The following PARP4 variants were observed in gnomAD, a reference collection of about 807,000 sequenced individuals.
PARP4 encodes the protein protein mono-ADP-ribosyltransferase PARP4.
In PARP4, 120 loss-of-function variants were observed where a neutral mutation model predicts 187.7. The observed-to-expected ratio is 0.64, with a 90% CI of 0.55 to 0.74. The LOEUF (loss-of-function observed/expected upper bound fraction) is 0.74, where lower values mean the gene tolerates loss of function less well. PARP4 is among the 30% of genes least tolerant of loss of function. The probability of loss-of-function intolerance (pLI) is 0.00; values close to 1 mark genes in which losing one functional copy is unlikely to be tolerated. For synonymous variants in PARP4, 654 were observed against 740.9 expected, an observed-to-expected ratio of 0.88 and a Z score of 1.90; for missense variants, 1,836 against 2,070.5, an observed-to-expected ratio of 0.89 and a Z score of 2.20.
intron 10 of PARP4, among the ~76,000 whole-genome samples, chr13:24,489,221 C>G (rs534671122): frequency 6.6e-6 from 1 of 152,280 alleles, no homozygotes; most frequent in East Asian, 1.9e-4. Context: ...GAGGAATCAT[C>G]TAACGCAGGC....
At chr13:24,469,185 T>C (rs1417352385) in intron 16 of PARP4, 75 bp from the exon 17 acceptor site, 1 of 1,039,640 alleles carries the variant, frequency 9.6e-7, no homozygotes. Context: ...ACAACATCAA[T>C]GTTTACTAAA....
chr13:24,467,369 G>A (rs546609223), intron 17 of PARP4, among the ~76,000 whole-genome samples: 59 of 152,280 alleles, frequency 3.9e-4, no homozygotes, highest in Admixed American at 6.5e-4. Context: ...GTTGCCATGG[G>A]AAAATGAAGC....
intron 33 of PARP4, among the ~76,000 whole-genome samples, chr13:24,424,673 CTTTT>C (rs1241681310): frequency 7.7e-6 from 1 of 129,084 alleles, no homozygotes; most frequent in Non-Finnish European, 1.6e-5. Context: ...AAATTATGTA[CTTTT>C]TTTTTTTTTT....
chr13:24,475,598 TAAA>T lies in PARP4; in HGVS notation c.1790-5_1790-3del, dbSNP rs772165064. ...TTTTGGCATCTGGTAACTGGTAATC[TAAA>T]CGTTAAAAATGTTACTATTAGCTTT... On this transcript the variant is annotated splice_polypyrimidine_tract_variant and splice_region_variant and intron_variant, in intron 14 of 33. Coordinates refer to ENST00000381989, the MANE Select transcript of PARP4 (RefSeq NM_006437.4). 8 of 1,613,846 alleles carry T rather than the reference TAAA, an allele frequency of 5.0e-6. No individual in the cohort carries two copies. The highest frequency in any genetic ancestry group is 3.3e-5 in the Admixed American group (2 of 60,004).
Position 24,440,419 on chromosome 13 carries a change from T to TAA in PARP4, c.3666+1425_3666+1426dup, listed in dbSNP as rs71070698. On this transcript the variant is annotated intron_variant, in intron 30 of 33. Transcript: ENST00000381989. The stretch of plus-strand genomic sequence containing the variant: ...TCTCAAAAAAAAAAAAAATTAAAAT[T>TAA]AAAAAAAAAAAAAAAAAAAGAAATC... 9.6e-3 allele frequency among the ~76,000 whole-genome samples: 1,209 copies of TAA among 126,160 alleles called. 45 individuals are homozygous for TAA. Among genetic ancestry groups the TAA allele is most frequent in the Admixed American group, 0.075 (884 of 11,820 alleles). 82.8% of individuals were successfully genotyped at this position (126,160 alleles called of 152,430 possible). A position where few individuals can be genotyped will look rare whatever the true frequency, so the allele number is the denominator to read the frequency against.
chr13:24,488,696 T>C (rs1201191606), intron 10 of PARP4, among the ~76,000 whole-genome samples: 2 of 152,108 alleles, frequency 1.3e-5, no homozygotes, highest in Admixed American at 1.3e-4. Context: ...AAAGATAAAA[T>C]TAACCATTAA....
chr13:24,503,543 ACT>A (rs1477564865), intron 2 of PARP4, 100 bp downstream of exon 2: 21 of 1,363,538 alleles, frequency 1.5e-5, no homozygotes, highest in Non-Finnish European at 2.2e-5. Context: ...TAGCTCACTC[ACT>A]CTCTCCTGCT....
At chr13:24,452,942 T>C (rs71429885) in intron 23 of PARP4, among the ~76,000 whole-genome samples, 1 of 152,044 alleles carries the variant, frequency 6.6e-6, no homozygotes, top group African/African-American at 2.4e-5. Flanking sequence ...TTATTTATTT[T>C]TTTTTTCTTT....
intron 18 of PARP4, 54 bp from the exon 19 acceptor site, chr13:24,459,364 GA>G: frequency 7.0e-7 from 1 of 1,437,800 alleles, no homozygotes; most frequent in South Asian, 1.3e-5. Flanking sequence ...GTTTCACAAT[GA>G]GACTAAAGTG....
At chr13:24,452,168 C>G (rs1315276237) in intron 24 of PARP4, 1 of 428,030 alleles carries the variant, frequency 2.3e-6, no homozygotes, top group Non-Finnish European at 4.1e-6. Context: ...TTCATTATCA[C>G]CTTGGTTTTA....
chr13:24,500,722 C>A (rs781779847), intron 3 of PARP4, among the ~76,000 whole-genome samples: 1 of 152,116 alleles, frequency 6.6e-6, no homozygotes, highest in Non-Finnish European at 1.5e-5. Flanking sequence ...ACATCACGAG[C>A]GAAGGAGCTG....
chr13:24,434,633 T>G lies in PARP4; in HGVS notation c.4508A>C (p.Glu1503Ala), dbSNP rs564474539. Residue 1503 changes from glutamate to alanine, a missense_variant, in exon 31 of 34, where the codon GAA (glutamate) becomes GCA (alanine). By Grantham distance (107) the Glu-to-Ala change is moderately radical. This residue lies in a region of PARP4 where 450 missense variants were observed against 439.2 expected (regional missense o/e 1.02). Coordinates refer to ENST00000381989, the MANE Select transcript of PARP4 (RefSeq NM_006437.4). The stretch of plus-strand genomic sequence containing the variant: ...ACTTCCTTCGAGACTGCCTACTGAT[T>G]CTTCTAGAAGACAGAGATCTACTGG... The part of the protein sequence containing the change: ...TTPVDLCLLE[E>A]SVGSLEGSRC... 18 of 1,612,544 alleles carry G rather than the reference T, an allele frequency of 1.1e-5. No homozygotes were observed. Among genetic ancestry groups the G allele is most frequent in the Middle Eastern group, 1.7e-4 (1 of 6,058 alleles).
chr13:24,426,457 T>C lies in PARP4; in HGVS notation c.4979+9A>G. 6.2e-7 allele frequency: 1 copy of C among 1,603,440 alleles called. No individual in the cohort carries two copies. The highest frequency in any genetic ancestry group is 8.5e-7 in the Non-Finnish European group (1 of 1,173,726). On this transcript the variant is annotated intron_variant, in intron 33 of 33. Transcript: ENST00000381989. ...TAAATAAGTTGCATAATACTATAGT[T>C]AAAGCCACCTGGAAATAGAAGCGTC...
chr13:24,455,501 A>ATATATATATATATATATATATATATC, intron 21 of PARP4, among the ~76,000 whole-genome samples: 1 of 140,004 alleles, frequency 7.1e-6, no homozygotes, highest in Admixed American at 7.1e-5. Context: ...ATATATATAT[A>ATATATATATATATATATATATATATC]TATATCACAC....
chr13:24,455,987 A>T (rs1474642257), intron 21 of PARP4, among the ~76,000 whole-genome samples: 2 of 152,154 alleles, frequency 1.3e-5, no homozygotes, highest in Non-Finnish European at 1.5e-5. Context: ...AAATGATCTT[A>T]TTACCAACCA....
chr13:24,502,099 G>A (rs1245041099), intron 2 of PARP4, among the ~76,000 whole-genome samples: 2 of 152,130 alleles, frequency 1.3e-5, no homozygotes, highest in Non-Finnish European at 2.9e-5. Flanking sequence ...TGTAAACAAC[G>A]CTGTGATGAC....
intron 33 of PARP4, among the ~76,000 whole-genome samples, chr13:24,425,569 G>GTATATC (rs1343575198): frequency 0.017 from 2,357 of 136,720 alleles, 39 homozygotes; most frequent in African/African-American, 0.037. Context: ...GTGTGTGTGT[G>GTATATC]TATATCTATA....
In PARP4 at chr13:24,494,604, G is replaced by A; in HGVS notation, c.710C>T (p.Ala237Val). The A allele has an allele frequency of 6.2e-7, 1 of 1,609,500 alleles. No homozygotes were observed. The highest frequency in any genetic ancestry group is 8.5e-7 in the Non-Finnish European group (1 of 1,178,470). Reference protein sequence around the residue: ...FLLREHFTPEATQLASEQLQA... With the variant: ...FLLREHFTPEVTQLASEQLQA... ...CAATTGTTCAGATGCTAATTGGGTTGCTTCAGGTGTGAAATGTTCTCTTAG... is the reference window on the plus strand; with the variant it reads ...CAATTGTTCAGATGCTAATTGGGTTACTTCAGGTGTGAAATGTTCTCTTAG... The change falls in exon 7 of 34, where the codon GCA becomes GTA. Residue 237 changes from alanine to valine, a missense_variant. Coordinates refer to ENST00000381989, the MANE Select transcript of PARP4 (RefSeq NM_006437.4).
At chr13:24,469,762 A>G in intron 16 of PARP4, 132 bp downstream of exon 16, 1 of 949,534 alleles carries the variant, frequency 1.1e-6, no homozygotes, top group Non-Finnish European at 1.5e-6. Context: ...TGATTCTTCA[A>G]AGAATATTCT....
Sources: allele counts gnomAD v4.1 joint callset (sites outside exome capture counted in the v4.1 genomes callset), GRCh38; gene constraint gnomAD v4.1.1; regional missense constraint gnomAD v4.1.1; transcripts MANE v1.5; gene names NCBI Gene and HGNC (gene_info 2026-07-23, HGNC 2026-07-21).